Variants in FMN1 observed in about 807,000 individuals in gnomAD.
The protein encoded by FMN1 is formin 1.
FMN1 carries 110 observed loss-of-function variants against 132.4 expected under a neutral mutation model. The ratio of observed to expected loss-of-function variants is 0.83; its 90% CI spans 0.71 to 0.97. The LOEUF (loss-of-function observed/expected upper bound fraction) is 0.97, where lower values mean the gene tolerates loss of function less well. Ranked by LOEUF, FMN1 falls within the 50% of genes least tolerant of loss-of-function variation. The pLI is 0.00. For synonymous variants in FMN1, 722 were observed against 651.7 expected, an observed-to-expected ratio of 1.11 and a Z score of -1.64; for missense variants, 1,792 against 1,705.3, an observed-to-expected ratio of 1.05 and a Z score of -0.90.
chr15:33,135,041 A>G (rs1455210421), intron 4 of FMN1, among the ~76,000 whole-genome samples: 3 of 152,210 alleles, frequency 2.0e-5, no homozygotes. Flanking sequence ...TTGAGTTACA[A>G]TGTTTCACAG....
intron 4 of FMN1, among the ~76,000 whole-genome samples, chr15:33,103,777 T>A (rs145800180): frequency 0.02 from 3,050 of 152,236 alleles, 62 homozygotes; most frequent in South Asian, 0.093. Context: ...TCTATTCTAT[T>A]ACACCTTGAA....
chr15:32,889,901 T>C (rs144194432), intron 15 of FMN1, among the ~76,000 whole-genome samples: 18 of 152,264 alleles, frequency 1.2e-4, no homozygotes, highest in Middle Eastern at 3.4e-3. Context: ...ACCCTCTTTG[T>C]AGTATTTTAT....
At chr15:33,161,017 G>T (rs1964866322) in intron 3 of FMN1, among the ~76,000 whole-genome samples, 1 of 152,214 alleles carries the variant, frequency 6.6e-6, no homozygotes, top group African/African-American at 2.4e-5. Flanking sequence ...TAAGATTCAA[G>T]AATTAGTTGT....
At chr15:32,817,655 T>C (rs569828137) in intron 17 of FMN1, among the ~76,000 whole-genome samples, 2 of 152,332 alleles carry the variant, frequency 1.3e-5, no homozygotes, top group African/African-American at 2.4e-5. Context: ...GTTCCACCAG[T>C]AGATGAACCA....
chr15:33,114,691 G>A (rs1409658989), intron 4 of FMN1, among the ~76,000 whole-genome samples: 1 of 152,160 alleles, frequency 6.6e-6, no homozygotes, highest in Non-Finnish European at 1.5e-5. Context: ...AGTCACAACT[G>A]CTGTAATGTC....
At chr15:33,003,469 C>T (rs1338680631) in intron 7 of FMN1, among the ~76,000 whole-genome samples, 3 of 152,128 alleles carry the variant, frequency 2.0e-5, no homozygotes, top group Non-Finnish European at 4.4e-5. Context: ...GAATAAAATA[C>T]CTGGGAATCC....
chr15:32,927,323 C>T (rs1339821043), intron 9 of FMN1, among the ~76,000 whole-genome samples: 1 of 152,170 alleles, frequency 6.6e-6, no homozygotes, highest in Non-Finnish European at 1.5e-5. Context: ...GTGACGCAAT[C>T]ACAGCTCACT....
At chr15:33,023,495 A>T (rs1566838071) in intron 6 of FMN1, among the ~76,000 whole-genome samples, 1 of 152,200 alleles carries the variant, frequency 6.6e-6, no homozygotes, top group African/African-American at 2.4e-5. Flanking sequence ...GCAACACACT[A>T]AGAGACAAGA....
intron 6 of FMN1, among the ~76,000 whole-genome samples, chr15:33,047,495 C>T (rs2036742597): frequency 6.6e-6 from 1 of 152,210 alleles, no homozygotes. Flanking sequence ...CAAGTTCTAA[C>T]AGCCTGGGAC....
chr15:32,870,306 C>T (rs568892818), intron 16 of FMN1, among the ~76,000 whole-genome samples: 50 of 152,266 alleles, frequency 3.3e-4, no homozygotes, highest in African/African-American at 1.0e-3. Flanking sequence ...CTTTACAGAG[C>T]GGCTGCCTCT....
chr15:33,126,748 G>A (rs564120468), intron 4 of FMN1, among the ~76,000 whole-genome samples: 6 of 151,932 alleles, frequency 3.9e-5, no homozygotes, highest in African/African-American at 1.2e-4. Context: ...AGAAACTCGG[G>A]AAAGGAGGGA....
At chr15:33,092,151 G>C (rs2038926368) in intron 4 of FMN1, among the ~76,000 whole-genome samples, 1 of 152,224 alleles carries the variant, frequency 6.6e-6, no homozygotes, top group African/African-American at 2.4e-5. Context: ...CACTTTGAAA[G>C]TCTGTGCTTT....
chr15:32,996,491 T>A (rs1243095441), intron 7 of FMN1, among the ~76,000 whole-genome samples: 1 of 152,148 alleles, frequency 6.6e-6, no homozygotes, highest in African/African-American at 2.4e-5. Flanking sequence ...CAAAGTCACA[T>A]CAGGAATATT....
chr15:32,913,855 C>A (rs147550592), intron 10 of FMN1, among the ~76,000 whole-genome samples: 1 of 152,096 alleles, frequency 6.6e-6, no homozygotes. Context: ...TTATACCATA[C>A]GACTCCTGAA....
intron 16 of FMN1, among the ~76,000 whole-genome samples, chr15:32,866,169 T>C (rs2059387962): frequency 6.7e-6 from 1 of 150,308 alleles, no homozygotes; most frequent in African/African-American, 2.5e-5. Context: ...ATGACAAATC[T>C]ATACATATGT....
Position 32,798,817 on chromosome 15 carries a change from T to G in FMN1, c.4117A>C (p.Ile1373Leu). The G allele has an allele frequency of 1.2e-6, 2 of 1,612,472 alleles. No individual in the cohort carries two copies. Among genetic ancestry groups the G allele is most frequent in the South Asian group, 2.2e-5 (2 of 90,614 alleles). Residue 1373 changes from isoleucine (I) to leucine (L), a missense_variant, in exon 19 of 21, where the codon ATA becomes CTA. Around this residue, in one of 3 missense-constraint regions of FMN1, gnomAD observed 1,150 missense variants for 1,043.1 expected, o/e 1.10. Transcript: ENST00000616417. ...KTIWKRESKN[I>L]SKERLKMAQE... ...TTTGAACCTTACCTTTCTTTAGATA[T>G]GTTTTTACTCTCCCGTTTCCAAATT...
At position 33,033,099 on chromosome 15, in the gene FMN1, C is replaced by T. The variant is rs577512764; in HGVS notation, c.2162-25024G>A. ...AGGATGGAGTGCAGTGGTACGATCT[C>T]GGCTCACTGCAAGCTCTGCCTCCTG... On this transcript the variant is annotated intron_variant, in intron 6 of 20. Coordinates refer to ENST00000616417, the MANE Select transcript of FMN1 (RefSeq NM_001277313.2). Among the ~76,000 whole-genome samples, 9 of 152,014 alleles carry T rather than the reference C, an allele frequency of 5.9e-5. No individual in the cohort carries two copies. In the South Asian group the frequency reaches 6.3e-4, roughly 11 times the overall value.
intron 9 of FMN1, among the ~76,000 whole-genome samples, chr15:32,961,683 C>T (rs888761682): frequency 3.9e-5 from 6 of 152,278 alleles, no homozygotes; most frequent in Admixed American, 3.9e-4. Flanking sequence ...GAGCCAGGCA[C>T]TATGCTGAGC....
chr15:32,952,136 T>C (rs1021460364), intron 9 of FMN1, among the ~76,000 whole-genome samples: 1 of 152,204 alleles, frequency 6.6e-6, no homozygotes. Context: ...CTGGGTTTTA[T>C]AGGGCTAAGT....
Sources: gnomAD v4.1 joint callset for allele counts (sites outside exome capture counted in the v4.1 genomes callset) on GRCh38, gnomAD v4.1.1 for gene constraint, gnomAD v4.1.1 regional missense constraint, MANE v1.5 for transcripts, NCBI Gene and HGNC (gene_info 2026-07-23, HGNC 2026-07-21) for gene names.